Variants in EYS observed in about 807,000 individuals in gnomAD.
The protein encoded by EYS is protein eyes shut homolog.
A neutral mutation model predicts 282.1 loss-of-function variants in EYS; 250 were observed. The observed-to-expected ratio is 0.89, with a 90% confidence interval of 0.80 to 0.98. The LOEUF is 0.98. EYS is among the 50% of genes least tolerant of loss of function. The pLI is 0.00. For missense variants in EYS, 4,016 were observed against 3,709.0 expected (o/e 1.08, Z -2.15); for synonymous variants, 1,355 against 1,282.9 (o/e 1.06, Z -1.20).
chr6:64,487,586 A>C (rs1450693617), intron 26 of EYS, among the ~76,000 whole-genome samples: 2 of 151,016 alleles, frequency 1.3e-5, no homozygotes, highest in African/African-American at 2.4e-5. Flanking sequence ...GAAGATAAAA[A>C]GCTGATATTA....
chr6:65,113,140 G>C (rs1775262635), intron 12 of EYS, among the ~76,000 whole-genome samples: 1 of 152,000 alleles, frequency 6.6e-6, no homozygotes, highest in Non-Finnish European at 1.5e-5. Flanking sequence ...GAGGCACTAA[G>C]TGTTATATAT....
chr6:65,323,070 C>T (rs570135077), intron 11 of EYS, among the ~76,000 whole-genome samples: 1 of 150,006 alleles, frequency 6.7e-6, no homozygotes, highest in Admixed American at 6.7e-5. Flanking sequence ...GATTCTAACT[C>T]TCTTTGCTAA....
intron 12 of EYS, among the ~76,000 whole-genome samples, chr6:65,116,972 T>C (rs5007201): frequency 0.26 from 39,704 of 151,916 alleles, 6,340 homozygotes; most frequent in African/African-American, 0.45. Flanking sequence ...CAATATTCCT[T>C]TCTTCCCAGG....
At chr6:65,097,231 G>A (rs1774763861) in intron 12 of EYS, among the ~76,000 whole-genome samples, 1 of 150,868 alleles carries the variant, frequency 6.6e-6, no homozygotes, top group Non-Finnish European at 1.5e-5. Context: ...ATGGCCAACA[G>A]GTATATGAAA....
At chr6:64,886,171 G>C (rs189014544) in intron 19 of EYS, among the ~76,000 whole-genome samples, 1 of 151,922 alleles carries the variant, frequency 6.6e-6, no homozygotes. Context: ...CAGAAATTTA[G>C]AGGGCTAATG....
intron 29 of EYS, among the ~76,000 whole-genome samples, chr6:64,350,334 A>AT (rs1342913753): frequency 1.2e-3 from 19 of 16,506 alleles, no homozygotes; most frequent in Non-Finnish European, 2.8e-3. Flanking sequence ...GCCCTTGCTT[A>AT]AAAAAAGTTT....
At chr6:64,423,563 C>A (rs889163315) in intron 28 of EYS, among the ~76,000 whole-genome samples, 13 of 152,054 alleles carry the variant, frequency 8.5e-5, no homozygotes, top group African/African-American at 3.1e-4. Flanking sequence ...GTTAAGAAAC[C>A]AAATTCTTGG....
intron 26 of EYS, among the ~76,000 whole-genome samples, chr6:64,531,883 C>A (rs9444937): frequency 0.16 from 23,761 of 151,994 alleles, 4,226 homozygotes; most frequent in African/African-American, 0.44. Context: ...ATTGAGCACA[C>A]TGAAAGTATA....
intron 31 of EYS, among the ~76,000 whole-genome samples, chr6:64,125,765 G>A (rs1421974366): frequency 7.9e-6 from 1 of 127,078 alleles, no homozygotes; most frequent in Admixed American, 9.8e-5. Flanking sequence ...CAGCCTGGGC[G>A]ACAGAGCAAG....
chr6:64,818,179 G>T, intron 21 of EYS, among the ~76,000 whole-genome samples: 1 of 152,062 alleles, frequency 6.6e-6, no homozygotes, highest in Admixed American at 6.6e-5. Context: ...AAACTTGAAA[G>T]AAAAATATCT....
At chr6:64,682,266 G>C (rs1769928825) in intron 22 of EYS, among the ~76,000 whole-genome samples, 1 of 152,148 alleles carries the variant, frequency 6.6e-6, no homozygotes, top group African/African-American at 2.4e-5. Context: ...TACTCCGGAG[G>C]CTGAGGTGGG....
At position 65,685,959 on chromosome 6, in the gene EYS, C is replaced by T. The variant is rs141501496; in HGVS notation, c.-448+21176G>A. Among the ~76,000 whole-genome samples the T allele has an allele frequency of 1.8e-3, 281 of 152,018 alleles. 1 individual carries two copies. Among genetic ancestry groups the T allele is most frequent in the East Asian group, 9.3e-3 (48 of 5,134 alleles). ...CCATATGGTGTGCTTCCCAGATCTC[C>T]GTTCAAGACTGAAAAACTTATTCCC... On this transcript the variant is annotated intron_variant, in intron 1 of 42. Coordinates refer to ENST00000503581, the MANE Select transcript of EYS (RefSeq NM_001142800.2).
At chr6:64,388,624 T>C (rs1427457553) in intron 29 of EYS, 66 bp downstream of exon 29, 10 of 1,347,870 alleles carry the variant, frequency 7.4e-6, no homozygotes, top group African/African-American at 1.5e-5. Flanking sequence ...CTTTTTCATT[T>C]ATCAATATGA....
At chr6:64,064,389 G>C (rs1199366484) in intron 33 of EYS, among the ~76,000 whole-genome samples, 3 of 152,098 alleles carry the variant, frequency 2.0e-5, no homozygotes, top group African/African-American at 7.2e-5. Context: ...TCGAGAGCAT[G>C]CTTAGCAGAT....
chr6:64,068,867 A>G (rs1031005390), intron 32 of EYS, among the ~76,000 whole-genome samples: 2 of 152,016 alleles, frequency 1.3e-5, no homozygotes, highest in African/African-American at 4.8e-5. Flanking sequence ...TGATATTGCC[A>G]AAGAGACTTT....
At chr6:64,270,699 TA>T (rs1385106058) in intron 30 of EYS, among the ~76,000 whole-genome samples, 3 of 152,186 alleles carry the variant, frequency 2.0e-5, no homozygotes, top group Non-Finnish European at 4.4e-5. Context: ...TTTTAAAGCA[TA>T]ATAATAAAAC....
intron 37 of EYS, among the ~76,000 whole-genome samples, chr6:63,803,250 G>A (rs1408827406): frequency 1.3e-5 from 2 of 149,416 alleles, no homozygotes; most frequent in Admixed American, 6.7e-5. Context: ...CATTTGCCAG[G>A]CTTTTTTTTT....
chr6:64,482,197 T>C (rs749695562), intron 26 of EYS, among the ~76,000 whole-genome samples: 1 of 151,736 alleles, frequency 6.6e-6, no homozygotes, highest in East Asian at 1.9e-4. Flanking sequence ...GGGATTTTTC[T>C]ACTTCATTGG....
chr6:65,141,657 A>G (rs199755839), intron 12 of EYS, among the ~76,000 whole-genome samples: 6,099 of 33,322 alleles, frequency 0.18, 178 homozygotes, highest in Non-Finnish European at 0.25. Context: ...CTGTCTATCT[A>G]TCTATCTATC....
Sources: allele counts gnomAD v4.1 joint callset (sites outside exome capture counted in the v4.1 genomes callset), GRCh38; gene constraint gnomAD v4.1.1; transcripts MANE v1.5; gene names NCBI Gene and HGNC (gene_info 2026-07-23, HGNC 2026-07-21).